The following ARRB1 variants were observed in gnomAD, a reference collection of about 807,000 sequenced individuals.
ARRB1 encodes arrestin beta 1, also known as beta-arrestin-1.
A neutral mutation model predicts 56.8 loss-of-function variants in ARRB1; 21 were observed. The ratio of observed to expected loss-of-function variants is 0.37; its 90% CI spans 0.26 to 0.53. The LOEUF is 0.53. ARRB1 is among the 20% of genes least tolerant of loss of function. The probability of loss-of-function intolerance (pLI) is 0.88; values close to 1 mark genes in which losing one functional copy is unlikely to be tolerated. For synonymous variants in ARRB1, 210 were observed against 218.6 expected, an observed-to-expected ratio of 0.96 and a Z score of 0.35; for missense variants, 424 against 553.7, an observed-to-expected ratio of 0.77 and a Z score of 2.35.
At chr11:75,269,014 C>T (rs1158160573) in intron 13 of ARRB1, 55 bp from the exon 14 acceptor site, 1 of 1,570,194 alleles carries the variant, frequency 6.4e-7, no homozygotes, top group Non-Finnish European at 8.7e-7. Context: ...GGCTGTGAGA[C>T]TTGATGTCGA....
chr11:75,312,244 C>T (rs1947178643), intron 1 of ARRB1: 7 of 953,294 alleles, frequency 7.3e-6, no homozygotes, highest in Non-Finnish European at 2.9e-6. Context: ...GAACTGAGAA[C>T]AGGCCTGCCC....
At chr11:75,347,924 C>T (rs928816902) in intron 1 of ARRB1, among the ~76,000 whole-genome samples, 2 of 152,164 alleles carry the variant, frequency 1.3e-5, no homozygotes, top group Admixed American at 6.5e-5. Context: ...GAGCTCACAG[C>T]CTTAGTTCTC....
intron 2 of ARRB1, among the ~76,000 whole-genome samples, chr11:75,288,620 T>C (rs960596379): frequency 6.0e-4 from 87 of 143,860 alleles, no homozygotes; most frequent in African/African-American, 2.2e-3. Context: ...ATCTTTCTTT[T>C]TTTTTTTTTT....
intron 1 of ARRB1, among the ~76,000 whole-genome samples, chr11:75,306,383 C>G (rs952943026): frequency 6.6e-6 from 1 of 152,206 alleles, no homozygotes; most frequent in Non-Finnish European, 1.5e-5. Flanking sequence ...ACAGCCTTCC[C>G]CCATCTCCAC....
chr11:75,327,787 C>A (rs1947465786), intron 1 of ARRB1, among the ~76,000 whole-genome samples: 1 of 151,876 alleles, frequency 6.6e-6, no homozygotes, highest in Admixed American at 6.6e-5. Context: ...CGGGGTTTCG[C>A]CATGTTGGCC....
At chr11:75,268,089 C>A (rs1439745618) in intron 14 of ARRB1, among the ~76,000 whole-genome samples, 1 of 152,156 alleles carries the variant, frequency 6.6e-6, no homozygotes, top group Non-Finnish European at 1.5e-5. Flanking sequence ...GTGTGTCTTA[C>A]CGTCGATGGC....
chr11:75,261,266 G>C lies in ARRB1; in HGVS notation c.*4897C>G, dbSNP rs889340770. ...TCTGTGACCCAAGTTCCAACACAAA[G>C]ACACTTTGTACTGGAACGCTGGAGC... On this transcript the variant is annotated 3_prime_UTR_variant, in exon 16 of 16. Transcript: ENST00000420843. The C allele has an allele frequency of 6.6e-6, 1 of 151,974 alleles. No individual in the cohort carries two copies. The highest frequency in any genetic ancestry group is 2.4e-5 in the African/African-American group (1 of 41,286). The allele number at this position is 151,974 out of a possible 1,614,324, so 9.4% of individuals were successfully genotyped here. A position where few individuals can be genotyped will look rare whatever the true frequency, so the allele number is the denominator to read the frequency against.
chr11:75,288,909 A>G (rs489161), intron 2 of ARRB1, among the ~76,000 whole-genome samples: 32,478 of 152,190 alleles, frequency 0.21, 3,553 homozygotes, highest in East Asian at 0.34. Context: ...TTCAAATCTA[A>G]CCATGCTACT....
chr11:75,308,311 G>A (rs553550065), intron 1 of ARRB1, among the ~76,000 whole-genome samples: 7 of 152,302 alleles, frequency 4.6e-5, no homozygotes, highest in African/African-American at 1.2e-4. Context: ...CCAGGGAGTC[G>A]CTGAGCCAGC....
chr11:75,297,010 A>C (rs148424292), intron 1 of ARRB1, among the ~76,000 whole-genome samples: 1 of 152,342 alleles, frequency 6.6e-6, no homozygotes, highest in African/African-American at 2.4e-5. Flanking sequence ...CTTTGATAAC[A>C]CAAGGAAATG....
At chr11:75,299,718 CT>C (rs1220501977) in intron 1 of ARRB1, among the ~76,000 whole-genome samples, 1 of 152,168 alleles carries the variant, frequency 6.6e-6, no homozygotes, top group Non-Finnish European at 1.5e-5. Flanking sequence ...TTGTAATGGT[CT>C]GATAACACCC....
At chr11:75,310,134 G>A (rs143854609) in intron 1 of ARRB1, among the ~76,000 whole-genome samples, 72 of 152,272 alleles carry the variant, frequency 4.7e-4, no homozygotes, top group African/African-American at 1.6e-3. Context: ...AATGGAAATC[G>A]ATGTGGGGAG....
At chr11:75,300,963 G>A (rs1217176432) in intron 1 of ARRB1, among the ~76,000 whole-genome samples, 1 of 109,584 alleles carries the variant, frequency 9.1e-6, no homozygotes, top group East Asian at 2.3e-4. Flanking sequence ...GCGAGACTCC[G>A]TCTCAAAAAA....
intron 1 of ARRB1, among the ~76,000 whole-genome samples, chr11:75,348,556 A>C: frequency 6.6e-6 from 1 of 152,132 alleles, no homozygotes; most frequent in South Asian, 2.1e-4. Context: ...ACCTTGCAGC[A>C]ACCATCATAC....
chr11:75,319,485 C>T (rs1029703314), intron 1 of ARRB1, among the ~76,000 whole-genome samples: 2 of 152,236 alleles, frequency 1.3e-5, no homozygotes, highest in Non-Finnish European at 2.9e-5. Flanking sequence ...GCCCTTCCCA[C>T]CCTGCCTCTC....
At chr11:75,333,435 G>A (rs1419852590) in intron 1 of ARRB1, among the ~76,000 whole-genome samples, 2 of 152,212 alleles carry the variant, frequency 1.3e-5, no homozygotes, top group Non-Finnish European at 2.9e-5. Flanking sequence ...CTGGGGAATA[G>A]AATGATTGGT....
Position 75,348,166 on chromosome 11 carries a change from A to G in ARRB1, c.20+3422T>C, listed in dbSNP as rs142759434. ...GGTCTGTGTTTACCTCTTAAGGCTC[A>G]CTATCATCCCCAGCCCAGGCCCCAG... On this transcript the variant is annotated intron_variant, in intron 1 of 15. Coordinates refer to ENST00000420843, the MANE Select transcript of ARRB1 (RefSeq NM_004041.5). 3.1e-3 allele frequency among the ~76,000 whole-genome samples: 478 copies of G among 152,306 alleles called. 13 individuals carry two copies. Among genetic ancestry groups the G allele is most frequent in the Admixed American group, 0.03 (452 of 15,296 alleles).
intron 10 of ARRB1, among the ~76,000 whole-genome samples, chr11:75,275,384 T>C (rs575090319): frequency 2.6e-5 from 4 of 152,156 alleles, no homozygotes; most frequent in African/African-American, 4.8e-5. Flanking sequence ...TGACCTCAAG[T>C]GATCTGCCTG....
chr11:75,330,085 TGAAC>T (rs1263929104), intron 1 of ARRB1, among the ~76,000 whole-genome samples: 3 of 152,074 alleles, frequency 2.0e-5, no homozygotes, highest in African/African-American at 7.2e-5. Context: ...AATGAATAAA[TGAAC>T]GAACGAACAA....
Sources: gnomAD v4.1 joint callset for allele counts (sites outside exome capture counted in the v4.1 genomes callset) on GRCh38, gnomAD v4.1.1 for gene constraint, MANE v1.5 for transcripts, NCBI Gene and HGNC (gene_info 2026-07-23, HGNC 2026-07-21) for gene names.